The following ANP32A variants were observed in gnomAD, a reference collection of about 807,000 sequenced individuals.
ANP32A encodes acidic nuclear phosphoprotein 32 family member A.
ANP32A carries 1 observed loss-of-function variant against 33.9 expected under a neutral mutation model. The observed-to-expected ratio is 0.03, with a 90% CI of 0.01 to 0.14. The LOEUF (loss-of-function observed/expected upper bound fraction) is 0.14, where lower values mean the gene tolerates loss of function less well. Among genes scored for constraint, ANP32A ranks in the 10% least tolerant of loss-of-function variants. The probability of loss-of-function intolerance (pLI) is 1.00; values close to 1 mark genes in which losing one functional copy is unlikely to be tolerated. For synonymous variants in ANP32A, 115 were observed against 120.5 expected, an observed-to-expected ratio of 0.95 and a Z score of 0.30; for missense variants, 155 against 306.0, an observed-to-expected ratio of 0.51 and a Z score of 3.68.
rs567106561 is a variant in ANP32A at position 68,798,916 on chromosome 15, A to G, written c.55-10997T>C. Among the ~76,000 whole-genome samples the G allele has an allele frequency of 4.6e-5, 7 of 152,370 alleles. No homozygotes were observed. In the South Asian group the frequency reaches 1.0e-3, roughly 23 times the overall value. On this transcript the variant is annotated intron_variant, in intron 1 of 6. Coordinates refer to ENST00000465139, the MANE Select transcript of ANP32A (RefSeq NM_006305.4). ...CTCGGCACTGAAGCCCTGTTGTCCA[A>G]CCACCAATGGGAAATCGCTGATTTG...
Position 68,820,836 on chromosome 15 carries a change from C to T in ANP32A, c.-85G>A. 2 of 1,530,936 alleles carry T rather than the reference C, an allele frequency of 1.3e-6. No individual in the cohort carries two copies. The highest frequency in any genetic ancestry group is 1.8e-6 in the Non-Finnish European group (2 of 1,109,876). The allele number at this position is 1,530,936 out of a possible 1,614,324, so 94.8% of individuals were successfully genotyped here. A position where few individuals can be genotyped will look rare whatever the true frequency, so the allele number is the denominator to read the frequency against. On this transcript the variant is annotated 5_prime_UTR_variant, in exon 1 of 7. Coordinates refer to ENST00000465139, the MANE Select transcript of ANP32A (RefSeq NM_006305.4). ...GAACCCACGGCCGCGCGTTTTAGGA[C>T]TTTGAAGGCTCAACCAGCTCCGCTC...
chr15:68,807,405 C>T (rs777581061), intron 1 of ANP32A, among the ~76,000 whole-genome samples: 1 of 145,946 alleles, frequency 6.9e-6, no homozygotes, highest in South Asian at 2.2e-4. Context: ...TGGTATTCCT[C>T]CCGCCCCACC....
intron 1 of ANP32A, among the ~76,000 whole-genome samples, chr15:68,796,262 GGA>G (rs1894062452): frequency 6.6e-6 from 1 of 152,128 alleles, no homozygotes; most frequent in Non-Finnish European, 1.5e-5. Context: ...TGTATTTTCA[GGA>G]GAGACAGGGT....
rs376689742 is a variant in ANP32A at position 68,780,126 on chromosome 15, C to T, written c.705G>A (p.Gln235=). ...CATCTTCAGGTTCTCGTTTTCGCTT[C>T]TGACCCCTTTCTTCTTCTGGAAAAG... ...EEELGEEERG[Q]KRKREPEDEG... The change falls in exon 7 of 7, where the codon CAG becomes CAA. Residue 235 remains glutamine, a synonymous_variant. Coordinates refer to ENST00000465139, the MANE Select transcript of ANP32A (RefSeq NM_006305.4). The surrounding 1 kb of genome is among the most constrained non-coding windows in gnomAD (Gnocchi z 4.3). 1.9e-6 allele frequency: 3 copies of T among 1,613,606 alleles called. No individual in the cohort carries two copies. In the African/African-American group the frequency reaches 4.0e-5, roughly 22 times the overall value.
intron 1 of ANP32A, among the ~76,000 whole-genome samples, chr15:68,816,257 GA>G (rs1280453003): frequency 6.6e-6 from 1 of 151,920 alleles, no homozygotes; most frequent in African/African-American, 2.4e-5. Flanking sequence ...AGTATCTTAA[GA>G]AAAAAAGGGT....
At chr15:68,812,269 A>C (rs1894323466) in intron 1 of ANP32A, among the ~76,000 whole-genome samples, 1 of 152,142 alleles carries the variant, frequency 6.6e-6, no homozygotes, top group African/African-American at 2.4e-5. Context: ...TATGTGGGGG[A>C]AACCAGGTGC....
chr15:68,779,902 C>T lies in ANP32A; in HGVS notation c.*179G>A, dbSNP rs904376963. Reference sequence around the variant, plus strand: ...AGTAAAAATAGTATTTTATTCCACCCCCACCCGCCATCCCTCCCCCCGCAA... The same window carrying T: ...AGTAAAAATAGTATTTTATTCCACCTCCACCCGCCATCCCTCCCCCCGCAA... On this transcript the variant is annotated 3_prime_UTR_variant, in exon 7 of 7. Transcript: ENST00000465139. 7 of 547,594 alleles carry T rather than the reference C, an allele frequency of 1.3e-5. No individual in the cohort carries two copies. In the South Asian group the frequency reaches 1.3e-4, roughly 11 times the overall value. 33.9% of individuals were successfully genotyped at this position (547,594 alleles called of 1,614,324 possible).
chr15:68,780,701 C>G lies in ANP32A; in HGVS notation c.625-228G>C. 3.3e-6 allele frequency: 2 copies of G among 605,246 alleles called. No homozygotes were observed. The highest frequency in any genetic ancestry group is 5.2e-6 in the Non-Finnish European group (2 of 380,956). 37.5% of individuals were successfully genotyped at this position (605,246 alleles called of 1,614,324 possible). On this transcript the variant is annotated intron_variant, in intron 5 of 6. Coordinates refer to ENST00000465139, the MANE Select transcript of ANP32A (RefSeq NM_006305.4). The surrounding 1 kb of genome is among the most constrained non-coding windows in gnomAD (Gnocchi z 4.3). Reference sequence around the variant, plus strand: ...TTGAACTCCTTCTCCAGAAAATGTCCGTATCATTTATAATATTTGCAAGCA... The same window carrying G: ...TTGAACTCCTTCTCCAGAAAATGTCGGTATCATTTATAATATTTGCAAGCA...
chr15:68,784,157 A>G, intron 4 of ANP32A: 2 of 580,982 alleles, frequency 3.4e-6, no homozygotes, highest in Non-Finnish European at 6.2e-6. Context: ...CATGGGACTC[A>G]TGCTTTGTTC....
chr15:68,818,637 T>G (rs990828993), intron 1 of ANP32A, among the ~76,000 whole-genome samples: 1 of 149,374 alleles, frequency 6.7e-6, no homozygotes, highest in African/African-American at 2.5e-5. Context: ...CACACACTCG[T>G]GGAAGTTTAA....
rs1893950029 is a variant in ANP32A at position 68,787,681 on chromosome 15, C to T, written c.204+89G>A. The T allele has an allele frequency of 4.4e-6, 7 of 1,595,780 alleles. No homozygotes were observed. In the East Asian group the frequency reaches 1.1e-4, roughly 26 times the overall value. ...CATGTTGGTGCAAGCACCCGGCTTT[C>T]CCTTCAATTACTCTTTCTAAACATA... On this transcript the variant is annotated intron_variant, in intron 2 of 6. Transcript: ENST00000465139.
chr15:68,815,250 C>T (rs1894364586), intron 1 of ANP32A, among the ~76,000 whole-genome samples: 1 of 152,198 alleles, frequency 6.6e-6, no homozygotes, highest in African/African-American at 2.4e-5. Context: ...ATCTACTGAA[C>T]CACCTTTTCA....
chr15:68,792,184 G>T (rs1318053852), intron 1 of ANP32A: 2 of 151,296 alleles, frequency 1.3e-5, no homozygotes, highest in Non-Finnish European at 2.9e-5. Context: ...TGTGAGTGAA[G>T]CGCAAAGTTA....
At chr15:68,784,667 A>C (rs1252846217) in intron 3 of ANP32A, 72 bp from the exon 4 acceptor site, 1 of 1,539,576 alleles carries the variant, frequency 6.5e-7, no homozygotes, top group Non-Finnish European at 8.9e-7. Context: ...CCTAGCAAAC[A>C]GGCAAGGATG....
chr15:68,807,596 G>A lies in ANP32A; in HGVS notation c.54+13102C>T, dbSNP rs139853033. 3.7e-3 allele frequency among the ~76,000 whole-genome samples: 557 copies of A among 151,440 alleles called. 3 individuals are homozygous for A. The highest frequency in any genetic ancestry group is 5.8e-3 in the Admixed American group (88 of 15,228). ...GGGCTGACTCCACCCCACCCCCACCGCTGACCAAACAGCTCATTCAAGCCC... is the reference window on the plus strand; with the variant it reads ...GGGCTGACTCCACCCCACCCCCACCACTGACCAAACAGCTCATTCAAGCCC... On this transcript the variant is annotated intron_variant, in intron 1 of 6. Coordinates refer to ENST00000465139, the MANE Select transcript of ANP32A (RefSeq NM_006305.4).
intron 1 of ANP32A, among the ~76,000 whole-genome samples, chr15:68,819,870 C>T (rs566896624): frequency 6.6e-6 from 1 of 152,124 alleles, no homozygotes; most frequent in South Asian, 2.1e-4. Context: ...ATCCTCCCTT[C>T]GGAAGGAAAG....
At chr15:68,818,471 C>G (rs1894420584) in intron 1 of ANP32A, among the ~76,000 whole-genome samples, 2 of 151,892 alleles carry the variant, frequency 1.3e-5, no homozygotes. Flanking sequence ...CCCTCCCCCG[C>G]AAATGTGCAG....
chr15:68,786,404 C>T (rs1432726880), intron 3 of ANP32A, among the ~76,000 whole-genome samples: 10 of 151,988 alleles, frequency 6.6e-5, no homozygotes, highest in South Asian at 6.2e-4. Flanking sequence ...GGACTACAGG[C>T]GTGTGCCACC....
In ANP32A at chr15:68,780,558, G is replaced by A. The variant is rs553442877; in HGVS notation, c.625-85C>T. On this transcript the variant is annotated intron_variant, in intron 5 of 6. Coordinates refer to ENST00000465139, the MANE Select transcript of ANP32A (RefSeq NM_006305.4). This position sits in a 1 kb window ranked among gnomAD's most constrained non-coding sequence, Gnocchi z 4.3. ...AAGCCACACAGAGCACAAAAAGGCC[G>A]GGGTCACCCCCAGCCTCTCAGAGCC... 210 of 1,576,748 alleles carry A rather than the reference G, an allele frequency of 1.3e-4. 1 individual carries two copies. The African/African-American group carries it at 2.5e-3, about 19-fold the overall frequency.
Sources: allele counts gnomAD v4.1 joint callset (sites outside exome capture counted in the v4.1 genomes callset), GRCh38; gene constraint gnomAD v4.1.1; non-coding constraint Gnocchi (gnomAD v3.1); transcripts MANE v1.5; gene names NCBI Gene and HGNC (gene_info 2026-07-23, HGNC 2026-07-21).